Variants in KAZN observed in about 807,000 individuals in gnomAD.
KAZN encodes kazrin, periplakin interacting protein, also known as kazrin.
In KAZN, 40 loss-of-function variants were observed where a neutral mutation model predicts 87.4. That is an observed-to-expected ratio of 0.46 (90% CI 0.36 to 0.60). KAZN has a LOEUF of 0.60. KAZN is among the 20% of genes least tolerant of loss of function. KAZN has a pLI of 0.00. For synonymous variants in KAZN, 466 were observed against 458.3 expected, an observed-to-expected ratio of 1.02 and a Z score of -0.22; for missense variants, 898 against 1,073.9, an observed-to-expected ratio of 0.84 and a Z score of 2.29.
intron 8 of KAZN, among the ~76,000 whole-genome samples, chr1:15,091,357 G>GTTTTTT (rs1330867415): frequency 9.1e-4 from 138 of 151,994 alleles, no homozygotes; most frequent in African/African-American, 3.3e-3. Context: ...TTTGTTTTTT[G>GTTTTTT]TTTTTGCAAT....
At chr1:14,279,125 A>G (rs1177138747) in intron 2 of KAZN, among the ~76,000 whole-genome samples, 1 of 152,162 alleles carries the variant, frequency 6.6e-6, no homozygotes, top group Admixed American at 6.5e-5. Context: ...AAGGTCACAT[A>G]AAATTGTCAT....
chr1:14,704,409 C>T (rs559260770), intron 1 of KAZN, among the ~76,000 whole-genome samples: 2 of 152,334 alleles, frequency 1.3e-5, no homozygotes, highest in African/African-American at 4.8e-5. Context: ...GTCACCAAAA[C>T]CCAGCATTAT....
intron 2 of KAZN, among the ~76,000 whole-genome samples, chr1:14,204,905 G>A (rs1646708340): frequency 6.6e-6 from 1 of 152,230 alleles, no homozygotes. Context: ...AATGCTAACT[G>A]CTGTCAGAGA....
chr1:14,081,594 C>T (rs913276453), intron 1 of KAZN, among the ~76,000 whole-genome samples: 3 of 151,976 alleles, frequency 2.0e-5, no homozygotes, highest in African/African-American at 4.8e-5. Context: ...AATTTTAGTG[C>T]GCATGAATAA....
At chr1:14,920,275 T>TG (rs1360978539) in intron 1 of KAZN, among the ~76,000 whole-genome samples, 2 of 119,012 alleles carry the variant, frequency 1.7e-5, no homozygotes, top group Non-Finnish European at 3.6e-5. Flanking sequence ...GCCTCTTTTC[T>TG]GTTTTTTTTT....
intron 1 of KAZN, among the ~76,000 whole-genome samples, chr1:14,867,199 T>C (rs1206316032): frequency 2.0e-5 from 3 of 152,158 alleles, no homozygotes; most frequent in Non-Finnish European, 2.9e-5. Flanking sequence ...CAATGGAGCG[T>C]GGAGGCCTCT....
At chr1:14,402,781 T>C (rs1490439185) in intron 2 of KAZN, among the ~76,000 whole-genome samples, 1 of 151,656 alleles carries the variant, frequency 6.6e-6, no homozygotes. Flanking sequence ...AATAGGTTAA[T>C]AGATCGATGA....
At chr1:14,123,990 G>GT (rs1460836914) in intron 1 of KAZN, among the ~76,000 whole-genome samples, 4 of 152,186 alleles carry the variant, frequency 2.6e-5, no homozygotes, top group Admixed American at 6.5e-5. Flanking sequence ...TTCCCAATAG[G>GT]AGCCCTCCCC....
At chr1:14,154,355 A>C (rs1016293137) in intron 1 of KAZN, among the ~76,000 whole-genome samples, 1 of 152,216 alleles carries the variant, frequency 6.6e-6, no homozygotes, top group African/African-American at 2.4e-5. Flanking sequence ...TGTATCCTGC[A>C]GCTTTACTGA....
At chr1:14,096,201 T>A (rs1644123465) in intron 1 of KAZN, among the ~76,000 whole-genome samples, 1 of 152,248 alleles carries the variant, frequency 6.6e-6, no homozygotes, top group Admixed American at 6.5e-5. Flanking sequence ...ATAATTTTTT[T>A]AAAAGATGAA....
At chr1:15,020,953 CTT>C (rs1670608932) in intron 2 of KAZN, among the ~76,000 whole-genome samples, 1 of 152,180 alleles carries the variant, frequency 6.6e-6, no homozygotes, top group African/African-American at 2.4e-5. Flanking sequence ...TCTCTCCTCT[CTT>C]GTAAACTTTT....
At chr1:15,010,386 C>CTTTTTTTTTTTTTT in intron 2 of KAZN, among the ~76,000 whole-genome samples, 1 of 78,220 alleles carries the variant, frequency 1.3e-5, no homozygotes, top group Non-Finnish European at 2.4e-5. Context: ...GGTTGTCTTG[C>CTTTTTTTTTTTTTT]TTTTTTTTTT....
intron 1 of KAZN, among the ~76,000 whole-genome samples, chr1:14,901,230 C>T (rs1407056114): frequency 2.0e-5 from 3 of 152,160 alleles, no homozygotes; most frequent in Admixed American, 6.5e-5. Context: ...TGGCATCTGT[C>T]GGACGGGGAA....
intron 1 of KAZN, among the ~76,000 whole-genome samples, chr1:14,016,477 G>A (rs1225421031): frequency 2.6e-5 from 4 of 152,148 alleles, no homozygotes; most frequent in African/African-American, 9.7e-5. Context: ...AGATCTCTGG[G>A]AGATCAGAGC....
intron 1 of KAZN, among the ~76,000 whole-genome samples, chr1:14,733,976 C>T (rs756680924): frequency 6.6e-6 from 1 of 152,192 alleles, no homozygotes; most frequent in Non-Finnish European, 1.5e-5. Flanking sequence ...GCCCTGGCTT[C>T]GGCCCTTCCC....
At chr1:14,138,985 G>A (rs1175692561) in intron 1 of KAZN, among the ~76,000 whole-genome samples, 1 of 152,222 alleles carries the variant, frequency 6.6e-6, no homozygotes, top group African/African-American at 2.4e-5. Flanking sequence ...ACATGTGGAT[G>A]AAGTTAATGT....
intron 8 of KAZN, among the ~76,000 whole-genome samples, chr1:15,088,588 T>G (rs7522074): frequency 0.25 from 38,364 of 152,014 alleles, 5,669 homozygotes; most frequent in East Asian, 0.63. Context: ...AGTTATTCCC[T>G]CTCTCAAGAC....
At chr1:14,459,717 T>C (rs1667758861) in intron 2 of KAZN, among the ~76,000 whole-genome samples, 1 of 152,142 alleles carries the variant, frequency 6.6e-6, no homozygotes, top group East Asian at 1.9e-4. Context: ...AGAACTGGAA[T>C]GTTCTAACCT....
intron 1 of KAZN, among the ~76,000 whole-genome samples, chr1:14,720,829 G>A (rs1011353851): frequency 2.6e-4 from 39 of 152,054 alleles, no homozygotes; most frequent in Admixed American, 1.9e-3. Context: ...TGATTCTCCC[G>A]CCTCAGCCTC....
Sources: gnomAD v4.1 joint callset for allele counts (sites outside exome capture counted in the v4.1 genomes callset) on GRCh38, gnomAD v4.1.1 for gene constraint, MANE v1.5 for transcripts, NCBI Gene and HGNC (gene_info 2026-07-23, HGNC 2026-07-21) for gene names.